KLRB1: variants seen among roughly 807,000 people sequenced by gnomAD.
The protein encoded by KLRB1 is killer cell lectin like receptor B1.
In KLRB1, 27 loss-of-function variants were observed where a neutral mutation model predicts 33.5. That is an observed-to-expected ratio of 0.81 (90% confidence interval 0.59 to 1.11). KLRB1 has a LOEUF of 1.11. KLRB1 is among the 50% of genes most tolerant of loss of function. KLRB1 has a pLI of 0.00. For synonymous variants in KLRB1, 64 were observed against 88.9 expected (o/e 0.72, Z 1.58); for missense variants, 241 against 254.1 (o/e 0.95, Z 0.35).
intron 1 of KLRB1, 100 bp from the exon 2 acceptor site, chr12:9,601,699 G>A (rs1323125654): frequency 1.4e-6 from 1 of 725,054 alleles, no homozygotes; most frequent in South Asian, 1.5e-5. Flanking sequence ...ATGTACTTGG[G>A]ATAACATAGG....
intron 1 of KLRB1, among the ~76,000 whole-genome samples, chr12:9,607,415 T>TTCTTTTCTTTTCTTTTTG (rs1591659491): frequency 6.6e-4 from 68 of 102,632 alleles, no homozygotes; most frequent in East Asian, 4.0e-3. Flanking sequence ...TTTTCTTTCT[T>TTCTTTTCTTTTCTTTTTG]TCTTTCTTTC....
chr12:9,607,415 T>TTCTTTCTTTTTTTTCTTTTTG (rs1864633749), intron 1 of KLRB1, among the ~76,000 whole-genome samples: 1 of 103,194 alleles, frequency 9.7e-6, no homozygotes. Flanking sequence ...TTTTCTTTCT[T>TTCTTTCTTTTTTTTCTTTTTG]TCTTTCTTTC....
rs1864622300 is a variant in KLRB1 at position 9,607,335 on chromosome 12, C to CCTTTCTTTCTTTCTGT, written c.85+419_85+420insACAGAAAGAAAGAAAG. 4.6e-5 allele frequency among the ~76,000 whole-genome samples: 3 copies of CCTTTCTTTCTTTCTGT among 65,270 alleles called. No individual in the cohort carries two copies. The East Asian group carries it at 1.9e-3, about 41-fold the overall frequency. The allele number at this position is 65,270 out of a possible 152,430, so 42.8% of individuals were successfully genotyped here. ...TTTCTTCTTTTCTTTCTCTTTCTTTCCTTTCTTTCTTTCTTTCTTCCTTTC... is the reference window on the plus strand; with the variant it reads ...TTTCTTCTTTTCTTTCTCTTTCTTTCCTTTCTTTCTTTCTGTCTTTCTTTCTTTCTTTCTTCCTTTC... On this transcript the variant is annotated intron_variant, in intron 1 of 5. Transcript: ENST00000229402.
chr12:9,601,479 C>G, intron 2 of KLRB1, 22 bp downstream of exon 2: 1 of 1,540,566 alleles, frequency 6.5e-7, no homozygotes, highest in Non-Finnish European at 9.0e-7. Flanking sequence ...TATTATGAAA[C>G]AGATGATGGT....
intron 1 of KLRB1, among the ~76,000 whole-genome samples, chr12:9,602,516 G>T (rs1864556957): frequency 6.6e-6 from 1 of 152,016 alleles, no homozygotes. Flanking sequence ...GTAGTATATT[G>T]CTCAGTTACA....
chr12:9,607,366 T>TTCTTTCTTTCTCTCTC (rs1310274190), intron 1 of KLRB1, among the ~76,000 whole-genome samples: 2 of 82,036 alleles, frequency 2.4e-5, no homozygotes. Flanking sequence ...CTTTCTTTCT[T>TTCTTTCTTTCTCTCTC]TCTTTCTTTC....
chr12:9,600,778 C>G (rs1251462689), intron 2 of KLRB1, among the ~76,000 whole-genome samples: 4 of 151,498 alleles, frequency 2.6e-5, no homozygotes, highest in African/African-American at 9.7e-5. Context: ...GCAGGGACCT[C>G]TGCCTAGGAA....
At position 9,601,613 on chromosome 12, in the gene KLRB1, A is replaced by AAC; in HGVS notation, c.86-15_86-14insGT. 5.1e-6 allele frequency: 8 copies of AAC among 1,557,502 alleles called. 1 individual carries two copies. The highest frequency in any genetic ancestry group is 2.3e-5 in the South Asian group (2 of 88,358). On this transcript the variant is annotated splice_polypyrimidine_tract_variant and intron_variant, in intron 1 of 5. Transcript: ENST00000229402. ...CCTGACAGACATCTGAAAAGTTAAA[A>AAC]AGAAAAACACAAAAACAAACAAACA... is the stretch of plus-strand genomic sequence containing the variant.
At chr12:9,606,748 A>T (rs1399354022) in intron 1 of KLRB1, among the ~76,000 whole-genome samples, 84 of 27,248 alleles carry the variant, frequency 3.1e-3, no homozygotes, top group Middle Eastern at 0.018. Flanking sequence ...ATATATATAT[A>T]TATATATATA....
At chr12:9,602,075 A>C (rs1422538496) in intron 1 of KLRB1, among the ~76,000 whole-genome samples, 2 of 152,198 alleles carry the variant, frequency 1.3e-5, no homozygotes, top group East Asian at 3.8e-4. Flanking sequence ...CTATTCTTGG[A>C]CATGGAATCC....
intron 2 of KLRB1, 52 bp downstream of exon 2, chr12:9,601,449 C>T (rs377260823): frequency 1.1e-4 from 149 of 1,346,524 alleles, no homozygotes; most frequent in Non-Finnish European, 1.5e-4. Context: ...CTCTAAGATA[C>T]GTAATGGAAG....
chr12:9,597,957 A>G, intron 5 of KLRB1, 89 bp downstream of exon 5: 2 of 669,420 alleles, frequency 3.0e-6, no homozygotes. Context: ...AACCAAATTA[A>G]AACTACAAAA....
At chr12:9,595,784 T>C (rs996394875) in intron 5 of KLRB1, among the ~76,000 whole-genome samples, 1 of 152,186 alleles carries the variant, frequency 6.6e-6, no homozygotes, top group Admixed American at 6.6e-5. Context: ...ATTTAGGCTA[T>C]AGCCACCTAA....
chr12:9,606,756 A>ATTTTTTTTTTTTTTTTTTT (rs1188705968), intron 1 of KLRB1, among the ~76,000 whole-genome samples: 2 of 31,540 alleles, frequency 6.3e-5, no homozygotes, highest in African/African-American at 1.3e-4. Context: ...ATATATATAT[A>ATTTTTTTTTTTTTTTTTTT]TATATTTTTT....
At chr12:9,606,944 A>G (rs1393663021) in intron 1 of KLRB1, among the ~76,000 whole-genome samples, 1 of 151,084 alleles carries the variant, frequency 6.6e-6, no homozygotes, top group African/African-American at 2.4e-5. Context: ...GTTTGTAGAG[A>G]TGAGGTTTTG....
intron 1 of KLRB1, among the ~76,000 whole-genome samples, chr12:9,602,410 T>C (rs1051860067): frequency 7.3e-5 from 11 of 151,688 alleles, no homozygotes; most frequent in African/African-American, 2.7e-4. Context: ...CATGAATTAA[T>C]AGAAAAAAAA....
At chr12:9,600,071 G>A (rs901394852) in intron 2 of KLRB1, among the ~76,000 whole-genome samples, 10 of 151,966 alleles carry the variant, frequency 6.6e-5, no homozygotes, top group African/African-American at 2.4e-4. Flanking sequence ...CCATTAGGTT[G>A]CCTGTATCTA....
chr12:9,597,424 AT>A (rs67270600), intron 5 of KLRB1, among the ~76,000 whole-genome samples: 145,207 of 152,064 alleles, frequency 0.95, 69,698 homozygotes, highest in East Asian at 1. Flanking sequence ...TGTGTCGCAA[AT>A]GCCTCATAGT....
At chr12:9,606,762 T>A (rs10581166) in intron 1 of KLRB1, among the ~76,000 whole-genome samples, 397 of 39,032 alleles carry the variant, frequency 0.01, 7 homozygotes, top group Non-Finnish European at 0.016. Context: ...ATATATATAT[T>A]TTTTTTTTTT....
Sources: gnomAD v4.1 joint callset for allele counts (sites outside exome capture counted in the v4.1 genomes callset) on GRCh38, gnomAD v4.1.1 for gene constraint, MANE v1.5 for transcripts, NCBI Gene and HGNC (gene_info 2026-07-23, HGNC 2026-07-21) for gene names.